Variants in RNGTT observed in about 807,000 individuals in gnomAD.
RNGTT encodes mRNA-capping enzyme.
RNGTT carries 33 observed loss-of-function variants against 79.3 expected under a neutral mutation model. The ratio of observed to expected loss-of-function variants is 0.42; its 90% CI spans 0.32 to 0.56. The LOEUF (loss-of-function observed/expected upper bound fraction) is 0.56. RNGTT is among the 20% of genes least tolerant of loss of function. The pLI, the probability that RNGTT is intolerant of heterozygous loss-of-function variation, is 0.17. For synonymous variants in RNGTT, 222 were observed against 235.9 expected, an observed-to-expected ratio of 0.94 and a Z score of 0.54; for missense variants, 497 against 739.1, an observed-to-expected ratio of 0.67 and a Z score of 3.80.
intron 13 of RNGTT, among the ~76,000 whole-genome samples, chr6:88,711,573 T>C (rs1267353189): frequency 2.6e-5 from 4 of 152,238 alleles, no homozygotes; most frequent in Non-Finnish European, 5.9e-5. Flanking sequence ...GGTCTTAGAC[T>C]ATCAATGTAC....
At chr6:88,763,933 G>A (rs553767328) in intron 13 of RNGTT, among the ~76,000 whole-genome samples, 1 of 152,156 alleles carries the variant, frequency 6.6e-6, no homozygotes, top group Non-Finnish European at 1.5e-5. Context: ...GTTGAAATCA[G>A]AACAAAAGAT....
chr6:88,652,722 T>C (rs1773842284), intron 14 of RNGTT, among the ~76,000 whole-genome samples: 1 of 152,184 alleles, frequency 6.6e-6, no homozygotes, highest in South Asian at 2.1e-4. Flanking sequence ...TTGTTCACAA[T>C]GTGCATGTTG....
At chr6:88,749,874 C>T (rs1441003834) in intron 13 of RNGTT, among the ~76,000 whole-genome samples, 1 of 152,136 alleles carries the variant, frequency 6.6e-6, no homozygotes, top group African/African-American at 2.4e-5. Context: ...CCTCCAACAC[C>T]TGTAGGGAAG....
Position 88,644,843 on chromosome 6 carries a change from G to C in RNGTT, c.1507-30448C>G, listed in dbSNP as rs565803580. Among the ~76,000 whole-genome samples, 3 of 152,254 alleles carry C rather than the reference G, an allele frequency of 2.0e-5. No homozygotes were observed. The East Asian group carries it at 5.8e-4, about 29-fold the overall frequency. ...ATTCTCAATAAATTAGCTATTGATG[G>C]GGCGTATCTCAAAACAATAAGAGCT... On this transcript the variant is annotated intron_variant, in intron 14 of 15. Coordinates refer to ENST00000369485, the MANE Select transcript of RNGTT (RefSeq NM_003800.5).
chr6:88,619,840 G>C (rs1354666445), intron 14 of RNGTT, among the ~76,000 whole-genome samples: 1 of 152,096 alleles, frequency 6.6e-6, no homozygotes, highest in African/African-American at 2.4e-5. Context: ...TATGAAGGCA[G>C]AGAAAATAAA....
chr6:88,765,131 G>T lies in RNGTT; in HGVS notation c.1439+4643C>A, dbSNP rs553734826. ...GGCCTGAACCCAGGAGGCAGAGCTT[G>T]CAGTGAGCTGAGATCCCACCACTGC... On this transcript the variant is annotated intron_variant, in intron 13 of 15. Coordinates refer to ENST00000369485, the MANE Select transcript of RNGTT (RefSeq NM_003800.5). Among the ~76,000 whole-genome samples the T allele has an allele frequency of 1.5e-4, 23 of 150,792 alleles. 1 individual carries two copies. In the South Asian group the frequency reaches 4.4e-3, roughly 29 times the overall value.
intron 4 of RNGTT, among the ~76,000 whole-genome samples, chr6:88,921,468 A>G: frequency 6.6e-6 from 1 of 152,204 alleles, no homozygotes; most frequent in East Asian, 1.9e-4. Context: ...CTTGAAACAC[A>G]CAGAAGCTTG....
chr6:88,867,695 T>G (rs950494209), intron 8 of RNGTT, among the ~76,000 whole-genome samples: 3 of 152,148 alleles, frequency 2.0e-5, no homozygotes, highest in African/African-American at 7.2e-5. Context: ...CAAAGAGTAC[T>G]AGAAGAAGAA....
intron 11 of RNGTT, among the ~76,000 whole-genome samples, chr6:88,802,489 C>T (rs12204839): frequency 0.23 from 34,687 of 151,994 alleles, 4,763 homozygotes; most frequent in Non-Finnish European, 0.3. Flanking sequence ...CTGATGGAGG[C>T]CTGAAACATG....
At chr6:88,807,740 A>C (rs1205224084) in intron 11 of RNGTT, among the ~76,000 whole-genome samples, 2 of 152,112 alleles carry the variant, frequency 1.3e-5, no homozygotes, top group East Asian at 3.8e-4. Flanking sequence ...CCAAGAGGAC[A>C]GGAAGAAAGA....
intron 1 of RNGTT, among the ~76,000 whole-genome samples, chr6:88,941,520 G>A (rs1025972164): frequency 1.1e-4 from 17 of 151,772 alleles, no homozygotes; most frequent in Non-Finnish European, 2.2e-4. Flanking sequence ...CACCCACCTC[G>A]GCCTTCCAAA....
intron 3 of RNGTT, 22 bp from the exon 4 acceptor site, chr6:88,929,095 T>C (rs758836503): frequency 1.3e-6 from 2 of 1,597,910 alleles, no homozygotes; most frequent in Admixed American, 3.5e-5. Context: ...GAAAAAGTTT[T>C]TTTGAAAAAA....
In RNGTT at chr6:88,818,375, G is replaced by A. The variant is rs1215323663; in HGVS notation, c.1270-16743C>T. ...AAGCGGGTGGATCACCCGAGGTCAG[G>A]AGTTCAAGACCAGCCTGGCCAACAT... is the stretch of plus-strand genomic sequence containing the variant. On this transcript the variant is annotated intron_variant, in intron 11 of 15. Coordinates refer to ENST00000369485, the MANE Select transcript of RNGTT (RefSeq NM_003800.5). Among the ~76,000 whole-genome samples the A allele has an allele frequency of 2.6e-5, 4 of 152,094 alleles. No homozygotes were observed. The East Asian group carries it at 7.9e-4, about 30-fold the overall frequency.
At chr6:88,733,369 C>A (rs77770467) in intron 13 of RNGTT, among the ~76,000 whole-genome samples, 1 of 149,328 alleles carries the variant, frequency 6.7e-6, no homozygotes, top group Admixed American at 6.7e-5. Context: ...CACCCCCCAC[C>A]CCCCCTCCAA....
intron 1 of RNGTT, among the ~76,000 whole-genome samples, chr6:88,944,016 C>A (rs1442104187): frequency 6.6e-6 from 1 of 152,200 alleles, no homozygotes; most frequent in Non-Finnish European, 1.5e-5. Context: ...GGCAATCCTA[C>A]CACACACCAT....
At chr6:88,795,302 G>A (rs1779560637) in intron 12 of RNGTT, among the ~76,000 whole-genome samples, 1 of 152,168 alleles carries the variant, frequency 6.6e-6, no homozygotes, top group Non-Finnish European at 1.5e-5. Flanking sequence ...ATAGAGGGCT[G>A]AAGGCAGTAA....
chr6:88,690,928 C>T (rs1775455298), intron 13 of RNGTT, among the ~76,000 whole-genome samples: 1 of 152,008 alleles, frequency 6.6e-6, no homozygotes, highest in Non-Finnish European at 1.5e-5. Flanking sequence ...AAACTGCTAT[C>T]CATCAAGTGC....
At chr6:88,794,735 CT>C (rs1779537191) in intron 12 of RNGTT, among the ~76,000 whole-genome samples, 1 of 152,114 alleles carries the variant, frequency 6.6e-6, no homozygotes, top group Non-Finnish European at 1.5e-5. Flanking sequence ...ACCATTTTTG[CT>C]TTGAGAATAA....
At chr6:88,619,794 CTTG>C (rs1251224478) in intron 14 of RNGTT, among the ~76,000 whole-genome samples, 1 of 152,106 alleles carries the variant, frequency 6.6e-6, no homozygotes, top group African/African-American at 2.4e-5. Flanking sequence ...AAACAAAAAT[CTTG>C]TTTTCACGTA....
Sources: allele counts gnomAD v4.1 joint callset (sites outside exome capture counted in the v4.1 genomes callset), GRCh38; gene constraint gnomAD v4.1.1; transcripts MANE v1.5; gene names NCBI Gene and HGNC (gene_info 2026-07-23, HGNC 2026-07-21).